The following RBFOX3 variants were observed in gnomAD, a reference collection of about 807,000 sequenced individuals.
RBFOX3 encodes RNA binding protein fox-1 homolog 3.
RBFOX3 carries 17 observed loss-of-function variants against 48.7 expected under a neutral mutation model. The ratio of observed to expected loss-of-function variants is 0.35; its 90% CI spans 0.24 to 0.52. The LOEUF (loss-of-function observed/expected upper bound fraction) is 0.52. Ranked by LOEUF, RBFOX3 falls within the 20% of genes least tolerant of loss-of-function variation. The pLI, the probability that RBFOX3 is intolerant of heterozygous loss-of-function variation, is 0.94. For missense variants in RBFOX3, 382 were observed against 497.5 expected (o/e 0.77, Z 2.21); for synonymous variants, 212 against 209.5 (o/e 1.01, Z -0.10).
chr17:79,544,013 T>C (rs1421479323), intron 1 of RBFOX3, among the ~76,000 whole-genome samples: 1 of 152,168 alleles, frequency 6.6e-6, no homozygotes, highest in Non-Finnish European at 1.5e-5. Flanking sequence ...CAGAGGGGCT[T>C]AAACAACCCT....
chr17:79,182,818 G>C (rs1331733292), intron 4 of RBFOX3, among the ~76,000 whole-genome samples: 8 of 150,992 alleles, frequency 5.3e-5, no homozygotes, highest in African/African-American at 1.2e-4. Context: ...AGCAGAGCTC[G>C]GCGCCCCCGC....
chr17:79,405,941 T>G (rs543257092), intron 2 of RBFOX3, among the ~76,000 whole-genome samples: 1 of 152,344 alleles, frequency 6.6e-6, no homozygotes, highest in South Asian at 2.1e-4. Context: ...GCATGGATCT[T>G]GGGACTGCAC....
At chr17:79,121,926 T>C (rs1429960671) in intron 4 of RBFOX3, among the ~76,000 whole-genome samples, 1 of 152,136 alleles carries the variant, frequency 6.6e-6, no homozygotes, top group African/African-American at 2.4e-5. Context: ...CAGCTGCCCC[T>C]TGCAGTCTCC....
chr17:79,216,210 G>C (rs752764316), intron 4 of RBFOX3, among the ~76,000 whole-genome samples: 3 of 152,262 alleles, frequency 2.0e-5, no homozygotes, highest in Non-Finnish European at 4.4e-5. Flanking sequence ...AGCCCAGCCT[G>C]TTTGCCTCCC....
In RBFOX3 at chr17:79,198,631, T is replaced by G. The variant is rs899254481; in HGVS notation, c.-34+37135A>C. Among the ~76,000 whole-genome samples the G allele has an allele frequency of 9.6e-3, 4 of 418 alleles. No individual in the cohort carries two copies. The highest frequency in any genetic ancestry group is 9.7e-3 in the African/African-American group (4 of 412). The allele number at this position is 418 out of a possible 152,430, so 0.3% of individuals were successfully genotyped here. ...CCTGCTTTTGAACTTTCTCTCTCTC[T>G]TTTTTTTTTTTTAAGATGGAGTCTT... On this transcript the variant is annotated intron_variant, in intron 4 of 14. Coordinates refer to ENST00000693108, the MANE Select transcript of RBFOX3 (RefSeq NM_001350451.2). The surrounding 1 kb of genome is among the most constrained non-coding windows in gnomAD (Gnocchi z 8.2).
In RBFOX3 at chr17:79,106,640, C is replaced by A; in HGVS notation, c.360+11G>T. On this transcript the variant is annotated intron_variant, in intron 6 of 14. Coordinates refer to ENST00000693108, the MANE Select transcript of RBFOX3 (RefSeq NM_001350451.2). ...GTGGAGGGCAGGATGGGTGGGGCCG[C>A]GCACACTCACCCCGAACATTTGCCG... 6.9e-7 allele frequency: 1 copy of A among 1,457,448 alleles called. No homozygotes were observed. The highest frequency in any genetic ancestry group is 9.0e-7 in the Non-Finnish European group (1 of 1,109,302). The allele number at this position is 1,457,448 out of a possible 1,614,324, so 90.3% of individuals were successfully genotyped here.
chr17:79,140,565 G>A (rs2041719409), intron 4 of RBFOX3, among the ~76,000 whole-genome samples: 1 of 152,264 alleles, frequency 6.6e-6, no homozygotes, highest in African/African-American at 2.4e-5. Context: ...TGCAGACAGG[G>A]AAACTGAGGC....
At chr17:79,657,707 G>C in the RBFOX3 span, among the ~76,000 whole-genome samples, 2 of 151,570 alleles carry the variant, frequency 1.3e-5, no homozygotes, top group Non-Finnish European at 2.9e-5. Flanking sequence ...TGGACACCTG[G>C]AGCACCCAAC....
At chr17:79,375,999 G>A (rs1270261298) in intron 2 of RBFOX3, among the ~76,000 whole-genome samples, 2 of 152,218 alleles carry the variant, frequency 1.3e-5, no homozygotes, top group African/African-American at 4.8e-5. Flanking sequence ...TGTAGAATAT[G>A]AAGATCCATT....
intron 4 of RBFOX3, among the ~76,000 whole-genome samples, chr17:79,143,223 G>A (rs1234322036): frequency 2.6e-5 from 4 of 152,168 alleles, no homozygotes; most frequent in African/African-American, 9.7e-5. Context: ...ACCGGATCTT[G>A]GCTGTGCCAG....
intron 13 of RBFOX3, among the ~76,000 whole-genome samples, chr17:79,095,252 C>T (rs1208254523): frequency 9.8e-5 from 11 of 111,788 alleles, no homozygotes; most frequent in African/African-American, 3.7e-4. Flanking sequence ...TTGCGGGGGG[C>T]GGTGGGGGGA....
chr17:79,654,876 A>G, the RBFOX3 span, among the ~76,000 whole-genome samples: 1 of 152,220 alleles, frequency 6.6e-6, no homozygotes, highest in African/African-American at 2.4e-5. Flanking sequence ...CATTATGCAA[A>G]TGCCTCCTGG....
Position 79,400,788 on chromosome 17 carries a change from C to G in RBFOX3, c.-175+81666G>C, listed in dbSNP as rs2062699573. On this transcript the variant is annotated intron_variant, in intron 2 of 14. Transcript: ENST00000693108. ...TTTTGGGGGCACCTGTTGGCCCCGT[C>G]ACTGCCCTGATCTGGGAGGGTCTCT... is the stretch of plus-strand genomic sequence containing the variant. Among the ~76,000 whole-genome samples, 3 of 152,350 alleles carry G rather than the reference C, an allele frequency of 2.0e-5. No individual in the cohort carries two copies. In the South Asian group the frequency reaches 6.2e-4, roughly 32 times the overall value.
At chr17:79,445,039 T>G (rs997727147) in intron 2 of RBFOX3, among the ~76,000 whole-genome samples, 2 of 152,148 alleles carry the variant, frequency 1.3e-5, no homozygotes, top group East Asian at 3.9e-4. Flanking sequence ...TCACTGAGCA[T>G]GACGTCCTCA....
At chr17:79,145,319 C>T (rs1326192035) in intron 4 of RBFOX3, among the ~76,000 whole-genome samples, 1 of 152,198 alleles carries the variant, frequency 6.6e-6, no homozygotes, top group Non-Finnish European at 1.5e-5. Flanking sequence ...CAAATAAGTT[C>T]CCGATGTGCG....
chr17:79,602,461 C>T (rs954997650), intron 1 of RBFOX3, among the ~76,000 whole-genome samples: 4 of 152,214 alleles, frequency 2.6e-5, no homozygotes, highest in African/African-American at 9.6e-5. Flanking sequence ...CACTGTCGGT[C>T]TTCTCCCCAG....
intron 9 of RBFOX3, chr17:79,098,829 G>A (rs1176546593): frequency 6.6e-6 from 1 of 152,474 alleles, no homozygotes; most frequent in Non-Finnish European, 1.5e-5. Flanking sequence ...TGCACTGGGT[G>A]GGGAGGAACA....
Position 79,252,818 on chromosome 17 carries a change from G to A in RBFOX3, c.-73-17013C>T, listed in dbSNP as rs4789973. 0.14 allele frequency among the ~76,000 whole-genome samples: 21,420 copies of A among 152,096 alleles called. 1,668 individuals are homozygous for A. Among genetic ancestry groups the A allele is most frequent in the East Asian group, 0.28 (1,455 of 5,172 alleles). On this transcript the variant is annotated intron_variant, in intron 3 of 14. Transcript: ENST00000693108. This position sits in a 1 kb window ranked among gnomAD's most constrained non-coding sequence, Gnocchi z 4.0. ...TCTTCATGTCCACAGAGAGTGAGGCGTGGACCCAGGCTTTCTGCCTCTCCA... is the reference window on the plus strand; with the variant it reads ...TCTTCATGTCCACAGAGAGTGAGGCATGGACCCAGGCTTTCTGCCTCTCCA...
At chr17:79,635,059 C>CAAAAAAAAAAAAAAAA in the RBFOX3 span, among the ~76,000 whole-genome samples, 1 of 53,494 alleles carries the variant, frequency 1.9e-5, no homozygotes, top group African/African-American at 5.4e-5. Flanking sequence ...GACTCCATCT[C>CAAAAAAAAAAAAAAAA]AAAAAAAAAA....
Sources: gnomAD v4.1 joint callset for allele counts (sites outside exome capture counted in the v4.1 genomes callset) on GRCh38, gnomAD v4.1.1 for gene constraint, Gnocchi (gnomAD v3.1) non-coding constraint, MANE v1.5 for transcripts, NCBI Gene and HGNC (gene_info 2026-07-23, HGNC 2026-07-21) for gene names.